Variants in SEZ6L observed in about 807,000 individuals in gnomAD.
SEZ6L encodes the protein seizure related 6 homolog like.
Under a neutral mutation model 106.2 loss-of-function variants are expected in SEZ6L, and 37 were observed. The observed-to-expected ratio is 0.35, with a 90% CI of 0.27 to 0.46. SEZ6L has a LOEUF of 0.46. Ranked by LOEUF, SEZ6L falls within the 20% of genes least tolerant of loss-of-function variation. The pLI is 1.00. For synonymous variants in SEZ6L, 541 were observed against 570.4 expected (o/e 0.95, Z 0.73); for missense variants, 1,172 against 1,332.8 (o/e 0.88, Z 1.88).
chr22:26,185,690 C>A (rs972247122), intron 1 of SEZ6L, among the ~76,000 whole-genome samples: 1 of 152,098 alleles, frequency 6.6e-6, no homozygotes, highest in African/African-American at 2.4e-5. Context: ...ATTTATATGC[C>A]AGGCATATGC....
intron 12 of SEZ6L, among the ~76,000 whole-genome samples, chr22:26,353,582 G>A (rs2083343920): frequency 6.6e-6 from 1 of 152,166 alleles, no homozygotes; most frequent in South Asian, 2.1e-4. Flanking sequence ...ATCCACATTG[G>A]TTGGTTCCTG....
At chr22:26,327,403 TACAC>T (rs1230197804) in intron 9 of SEZ6L, among the ~76,000 whole-genome samples, 1 of 73,804 alleles carries the variant, frequency 1.4e-5, no homozygotes, top group Non-Finnish European at 2.7e-5. Flanking sequence ...ACACACCACA[TACAC>T]ACCACACACA....
intron 1 of SEZ6L, among the ~76,000 whole-genome samples, chr22:26,271,037 G>A (rs1204688393): frequency 1.3e-5 from 2 of 152,206 alleles, no homozygotes; most frequent in Non-Finnish European, 2.9e-5. Context: ...ACCCTCAGAA[G>A]ATGACAATTT....
intron 11 of SEZ6L, among the ~76,000 whole-genome samples, chr22:26,349,974 A>ATTTACTACATTCC (rs2083218311): frequency 6.6e-6 from 1 of 152,118 alleles, no homozygotes; most frequent in African/African-American, 2.4e-5. Context: ...ACTACAGAGA[A>ATTTACTACATTCC]AGCAGTGAAG....
chr22:26,342,526 A>C (rs2082869498), intron 10 of SEZ6L, among the ~76,000 whole-genome samples: 1 of 127,148 alleles, frequency 7.9e-6, no homozygotes, highest in Admixed American at 7.1e-5. Context: ...CGTCTCTACT[A>C]AAAATACAAA....
chr22:26,247,755 A>G (rs2079411750), intron 1 of SEZ6L, among the ~76,000 whole-genome samples: 2 of 152,210 alleles, frequency 1.3e-5, no homozygotes, highest in Admixed American at 6.5e-5. Context: ...GCTCTCGGAA[A>G]CTAATATACC....
chr22:26,319,449 G>A (rs1189355469), intron 9 of SEZ6L, among the ~76,000 whole-genome samples: 1 of 152,166 alleles, frequency 6.6e-6, no homozygotes, highest in Non-Finnish European at 1.5e-5. Context: ...GGCCCTATGG[G>A]ATCTAGCTCT....
At position 26,342,411 on chromosome 22, in the gene SEZ6L, C is replaced by T. The variant is rs867009665; in HGVS notation, c.2212+1779C>T. On this transcript the variant is annotated intron_variant, in intron 10 of 16. Coordinates refer to ENST00000248933, the MANE Select transcript of SEZ6L (RefSeq NM_021115.5). Reference sequence around the variant, plus strand: ...CACTTAAAGAATTGTCCATCTCGGCCGGGCGCAGTGGCTCATGCCTGTAAT... The same window carrying T: ...CACTTAAAGAATTGTCCATCTCGGCTGGGCGCAGTGGCTCATGCCTGTAAT... 6.6e-5 allele frequency among the ~76,000 whole-genome samples: 10 copies of T among 152,050 alleles called. No homozygotes were observed. In the South Asian group the frequency reaches 8.3e-4, roughly 13 times the overall value.
chr22:26,293,633 C>T (rs1009051323), intron 2 of SEZ6L, among the ~76,000 whole-genome samples: 1 of 152,160 alleles, frequency 6.6e-6, no homozygotes, highest in African/African-American at 2.4e-5. Flanking sequence ...AGCCAACATC[C>T]CCATTTTAAA....
rs199641007 is a variant in SEZ6L, at chr22:26,369,341, C to CTTTTTTTTTTTT, written c.2794+3779_2794+3780insTTTTTTTTTTTT. Reference sequence around the variant, plus strand: ...ATGACAATGACTTATATAAGCAGTTCTTTTGTTTTTTTTTTTGAGACAGAT... The same window carrying CTTTTTTTTTTTT: ...ATGACAATGACTTATATAAGCAGTTCTTTTTTTTTTTTTTTTGTTTTTTTTTTTGAGACAGAT... On this transcript the variant is annotated intron_variant, in intron 13 of 16. Transcript: ENST00000248933. Among the ~76,000 whole-genome samples, 574 of 103,462 alleles carry CTTTTTTTTTTTT rather than the reference C, an allele frequency of 5.5e-3. 128 individuals carry two copies. The highest frequency in any genetic ancestry group is 0.019 in the African/African-American group (382 of 20,588). 67.9% of individuals were successfully genotyped at this position (103,462 alleles called of 152,430 possible). A position where few individuals can be genotyped will look rare whatever the true frequency, so the allele number is the denominator to read the frequency against.
In SEZ6L at chr22:26,240,067, GACAC is replaced by G. The variant is rs67141647; in HGVS notation, c.95-52318_95-52315del. ...CTCAACACACACATACACACATACAGACACACACACACACACACACACACTCACA... is the reference window on the plus strand; with the variant it reads ...CTCAACACACACATACACACATACAGACACACACACACACACACACTCACA... On this transcript the variant is annotated intron_variant, in intron 1 of 16. Coordinates refer to ENST00000248933, the MANE Select transcript of SEZ6L (RefSeq NM_021115.5). Among the ~76,000 whole-genome samples the G allele has an allele frequency of 1.7e-3, 229 of 135,992 alleles. No homozygotes were observed. In the Middle Eastern group the frequency reaches 0.018, roughly 11 times the overall value. The allele number at this position is 135,992 out of a possible 152,430, so 89.2% of individuals were successfully genotyped here. A position where few individuals can be genotyped will look rare whatever the true frequency, so the allele number is the denominator to read the frequency against.
chr22:26,171,686 A>G (rs1460663289), intron 1 of SEZ6L, among the ~76,000 whole-genome samples: 2 of 152,220 alleles, frequency 1.3e-5, no homozygotes, highest in African/African-American at 2.4e-5. Context: ...GCTAGCCAGC[A>G]TATTTTTTAA....
intron 1 of SEZ6L, among the ~76,000 whole-genome samples, chr22:26,267,564 G>A (rs2080229935): frequency 6.6e-6 from 1 of 152,178 alleles, no homozygotes; most frequent in Non-Finnish European, 1.5e-5. Context: ...AATTCATTAA[G>A]CAAATTATTT....
At chr22:26,296,050 A>G (rs1296467670) in intron 3 of SEZ6L, among the ~76,000 whole-genome samples, 1 of 152,188 alleles carries the variant, frequency 6.6e-6, no homozygotes, top group African/African-American at 2.4e-5. Flanking sequence ...CAGAGAAACT[A>G]AAGTTCCAAG....
At chr22:26,219,324 T>C (rs1345890641) in intron 1 of SEZ6L, among the ~76,000 whole-genome samples, 1 of 139,070 alleles carries the variant, frequency 7.2e-6, no homozygotes, top group Non-Finnish European at 1.5e-5. Flanking sequence ...AACCCCACAA[T>C]GACAAAAATG....
chr22:26,245,493 C>T (rs913115283), intron 1 of SEZ6L, among the ~76,000 whole-genome samples: 2 of 152,116 alleles, frequency 1.3e-5, no homozygotes, highest in Non-Finnish European at 2.9e-5. Context: ...GCATTTTACA[C>T]CATGGGGACT....
chr22:26,173,929 C>T (rs917674822), intron 1 of SEZ6L, among the ~76,000 whole-genome samples: 6 of 152,180 alleles, frequency 3.9e-5, no homozygotes, highest in Non-Finnish European at 5.9e-5. Flanking sequence ...CCCAAAGGCT[C>T]CACCTCCAAA....
At chr22:26,344,533 C>T (rs2082946312) in intron 10 of SEZ6L, among the ~76,000 whole-genome samples, 1 of 152,186 alleles carries the variant, frequency 6.6e-6, no homozygotes, top group African/African-American at 2.4e-5. Flanking sequence ...AAATAGATGG[C>T]TGTGCTTGAT....
chr22:26,335,174 T>G (rs2082607590), intron 9 of SEZ6L, among the ~76,000 whole-genome samples: 1 of 152,184 alleles, frequency 6.6e-6, no homozygotes, highest in Admixed American at 6.5e-5. Flanking sequence ...GGGAAAAAAC[T>G]AAATTGCCAA....
Sources: allele counts gnomAD v4.1 joint callset (sites outside exome capture counted in the v4.1 genomes callset), GRCh38; gene constraint gnomAD v4.1.1; transcripts MANE v1.5; gene names NCBI Gene and HGNC (gene_info 2026-07-23, HGNC 2026-07-21).